The following DMD variants were observed in gnomAD, a reference collection of about 807,000 sequenced individuals.
DMD encodes the protein mutant dystrophin.
A neutral mutation model predicts 330.1 loss-of-function variants in DMD; 63 were observed. The ratio of observed to expected loss-of-function variants is 0.19; its 90% CI spans 0.16 to 0.24. The LOEUF is 0.24. Among genes scored for constraint, DMD ranks in the 10% least tolerant of loss-of-function variants. The probability of loss-of-function intolerance (pLI) is 1.00; values close to 1 mark genes in which losing one functional copy is unlikely to be tolerated. For synonymous variants in DMD, 1,223 were observed against 959.8 expected, an observed-to-expected ratio of 1.27 and a Z score of -5.07; for missense variants, 3,344 against 2,684.1, an observed-to-expected ratio of 1.25 and a Z score of -5.43.
intron 2 of DMD, among the ~76,000 whole-genome samples, chrX:32,892,394 T>C (rs1468110134): frequency 9.1e-6 from 1 of 109,486 alleles, no homozygotes; most frequent in Non-Finnish European, 1.9e-5. Flanking sequence ...TTTTCGTTTT[T>C]TGTTTTTTGT....
In DMD at chrX:32,093,707, T is replaced by C. The variant is rs1222895105; in HGVS notation, c.6438+123209A>G. On this transcript the variant is annotated intron_variant, in intron 44 of 78. Transcript: ENST00000357033. Reference sequence around the variant, plus strand: ...TTTGTGCTTTGAGCAAGGAACATACTTTGATTCCTCTATTTCAGTGGGATG... The same window carrying C: ...TTTGTGCTTTGAGCAAGGAACATACCTTGATTCCTCTATTTCAGTGGGATG... Among the ~76,000 whole-genome samples the C allele has an allele frequency of 3.6e-5, 4 of 111,363 alleles. No individual in the cohort carries two copies. In the East Asian group the frequency reaches 1.1e-3, roughly 31 times the overall value.
At chrX:32,558,415 A>G (rs1301593531) in intron 16 of DMD, among the ~76,000 whole-genome samples, 1 of 112,061 alleles carries the variant, frequency 8.9e-6, no homozygotes, top group Non-Finnish European at 1.9e-5. Flanking sequence ...ATTTGTCTTT[A>G]TGTGTTATTT....
At chrX:33,290,615 T>C (rs2053498010) in intron 1 of DMD, among the ~76,000 whole-genome samples, 1 of 111,366 alleles carries the variant, frequency 9.0e-6, no homozygotes, top group Admixed American at 9.6e-5. Flanking sequence ...ATGCATGCTA[T>C]ACAAGCCAGA....
chrX:32,044,429 AT>A (rs35393923), intron 44 of DMD, among the ~76,000 whole-genome samples: 10 of 104,934 alleles, frequency 9.5e-5, no homozygotes, highest in African/African-American at 3.1e-4. Flanking sequence ...TATTTATTTA[AT>A]TTTTTTTTTG....
chrX:31,672,037 A>G (rs2081830911), intron 53 of DMD, among the ~76,000 whole-genome samples: 1 of 111,950 alleles, frequency 8.9e-6, no homozygotes, highest in African/African-American at 3.2e-5. Context: ...ATAGGTATTT[A>G]TAGTTATACA....
chrX:31,567,035 T>C (rs2075504806), intron 55 of DMD, among the ~76,000 whole-genome samples: 1 of 111,517 alleles, frequency 9.0e-6, no homozygotes, highest in East Asian at 2.8e-4. Context: ...AGCTTTGGTG[T>C]GTTGATCTTG....
chrX:31,595,753 A>C (rs2077082674), intron 55 of DMD, among the ~76,000 whole-genome samples: 1 of 107,903 alleles, frequency 9.3e-6, no homozygotes, highest in African/African-American at 3.4e-5. Flanking sequence ...TTTTTTTTGA[A>C]GATTGCAACT....
At chrX:32,720,765 C>T (rs967679481) in intron 7 of DMD, among the ~76,000 whole-genome samples, 3 of 111,158 alleles carry the variant, frequency 2.7e-5, no homozygotes, top group Admixed American at 9.6e-5. Context: ...CATTTTACCC[C>T]ATTATTATCT....
intron 1 of DMD, among the ~76,000 whole-genome samples, chrX:33,263,589 C>G (rs1355121491): frequency 9.2e-6 from 1 of 108,769 alleles, no homozygotes; most frequent in Admixed American, 1.0e-4. Flanking sequence ...ATATATTGTT[C>G]TTTAGCCCCT....
At chrX:32,837,154 GT>G (rs1360033562) in intron 4 of DMD, among the ~76,000 whole-genome samples, 1 of 111,871 alleles carries the variant, frequency 8.9e-6, no homozygotes, top group Non-Finnish European at 1.9e-5. Context: ...AGATTCTCAA[GT>G]CCTCATTTCG....
At chrX:32,990,355 G>T (rs914526637) in intron 2 of DMD, among the ~76,000 whole-genome samples, 1 of 111,821 alleles carries the variant, frequency 8.9e-6, no homozygotes, top group East Asian at 2.8e-4. Flanking sequence ...ACATTTCTAA[G>T]AGAAGAAGAC....
chrX:33,301,044 G>A (rs2053653843), intron 1 of DMD, among the ~76,000 whole-genome samples: 1 of 111,518 alleles, frequency 9.0e-6, no homozygotes, highest in Non-Finnish European at 1.9e-5. Context: ...CCATGCACTC[G>A]CTGTCCTTCA....
chrX:32,906,648 G>A (rs1461747719), intron 2 of DMD, among the ~76,000 whole-genome samples: 3 of 111,529 alleles, frequency 2.7e-5, no homozygotes, highest in Non-Finnish European at 5.6e-5. Flanking sequence ...ATTTACTCTT[G>A]GTAGAATGAG....
intron 1 of DMD, among the ~76,000 whole-genome samples, chrX:33,049,355 G>T (rs748689524): frequency 1.8e-5 from 2 of 111,545 alleles, no homozygotes; most frequent in South Asian, 7.5e-4. Context: ...TCAGAAGACT[G>T]TATATTTCCC....
intron 27 of DMD, among the ~76,000 whole-genome samples, chrX:32,446,962 T>C (rs2098307873): frequency 9.0e-6 from 1 of 110,591 alleles, no homozygotes; most frequent in Non-Finnish European, 1.9e-5. Context: ...TAATTGGTCT[T>C]GAAAAGTTTG....
chrX:31,627,697 T>A lies in DMD; in HGVS notation c.8193A>T (p.Val2731=), dbSNP rs1603430166. ...KERLLEDSKG[V]KELMKQWQDL... is the part of the protein sequence containing the mutation. Reference sequence around the variant, plus strand: ...CTTGCCATTGTTTCATCAGCTCTTTTACTCCCTTGGAGTCTTCTAGGAGCC... The same window carrying A: ...CTTGCCATTGTTTCATCAGCTCTTTAACTCCCTTGGAGTCTTCTAGGAGCC... The change falls in exon 55 of 79, where the codon GTA becomes GTT. Residue 2731 remains valine (V), a synonymous_variant. Coordinates refer to ENST00000357033, the MANE Select transcript of DMD (RefSeq NM_004006.3). The A allele has an allele frequency of 2.5e-6, 3 of 1,211,607 alleles. No homozygotes were observed. Among genetic ancestry groups the A allele is most frequent in the Non-Finnish European group, 3.4e-6 (3 of 895,450 alleles).
Position 32,217,022 on chromosome X carries a change from T to A in DMD, c.6332A>T (p.Tyr2111Phe). ...CCACTGATTAAATATCTTTATATCA[T>A]AATGAAAACGCCGCCATTTCTCAAC... ...RSVEKWRRFH[Y>F]DIKIFNQWLT... Residue 2111 changes from tyrosine to phenylalanine, a missense_variant, in exon 44 of 79, where the codon TAT (tyrosine) becomes TTT (phenylalanine). Coordinates refer to ENST00000357033, the MANE Select transcript of DMD (RefSeq NM_004006.3). 2 of 1,209,418 alleles carry A rather than the reference T, an allele frequency of 1.7e-6. No homozygotes were observed. Among genetic ancestry groups the A allele is most frequent in the Non-Finnish European group, 2.2e-6 (2 of 893,855 alleles).
At chrX:33,107,836 T>C (rs1370610075) in intron 1 of DMD, among the ~76,000 whole-genome samples, 2 of 111,855 alleles carry the variant, frequency 1.8e-5, no homozygotes, top group Non-Finnish European at 3.8e-5. Flanking sequence ...TGACTTTAAA[T>C]GCATGTGAAT....
chrX:31,601,177 C>CAAACT (rs1440013304), intron 55 of DMD, among the ~76,000 whole-genome samples: 1 of 112,381 alleles, frequency 8.9e-6, no homozygotes, highest in Non-Finnish European at 1.9e-5. Flanking sequence ...TCATTTAGCA[C>CAAACT]AAACTATGAA....
Sources: allele counts gnomAD v4.1 joint callset (sites outside exome capture counted in the v4.1 genomes callset), GRCh38; gene constraint gnomAD v4.1.1; transcripts MANE v1.5; gene names NCBI Gene and HGNC (gene_info 2026-07-23, HGNC 2026-07-21).